The following ZNF217 variants were observed in gnomAD, a reference collection of about 807,000 sequenced individuals.
ZNF217 encodes zinc finger protein 217.
In ZNF217, 12 loss-of-function variants were observed where a neutral mutation model predicts 73.3. The ratio of observed to expected loss-of-function variants is 0.16; its 90% CI spans 0.10 to 0.27. The LOEUF (loss-of-function observed/expected upper bound fraction) is 0.27. Among genes scored for constraint, ZNF217 ranks in the 10% least tolerant of loss-of-function variants. The pLI, the probability that ZNF217 is intolerant of heterozygous loss-of-function variation, is 1.00. For missense variants in ZNF217, 1,195 were observed against 1,327.8 expected (o/e 0.90, Z 1.55); for synonymous variants, 588 against 516.4 (o/e 1.14, Z -1.88).
rs1988236822 is a variant in ZNF217 at position 53,575,875 on chromosome 20, C to A, written c.2889G>T (p.Ser963=). 2 of 1,614,086 alleles carry A rather than the reference C, an allele frequency of 1.2e-6. No homozygotes were observed. Among genetic ancestry groups the A allele is most frequent in the Non-Finnish European group, 1.7e-6 (2 of 1,180,052 alleles). Residue 963 remains serine, a synonymous_variant, in exon 4 of 6, where the codon TCG becomes TCT. Coordinates refer to ENST00000371471, the MANE Select transcript of ZNF217 (RefSeq NM_006526.3). ...SLLPQDCVYP[S]QALPPKPRFL... is the part of the protein sequence containing the mutation. ...ACCTTGGTTTGGGAGGCAGCGCCTGCGACGGATACACACAGTCCTGCGGTA... is the reference window on the plus strand; with the variant it reads ...ACCTTGGTTTGGGAGGCAGCGCCTGAGACGGATACACACAGTCCTGCGGTA...
chr20:53,595,785 A>G (rs1600736125), upstream of ZNF217, among the ~76,000 whole-genome samples: 1 of 152,354 alleles, frequency 6.6e-6, no homozygotes, highest in South Asian at 2.1e-4. Flanking sequence ...GTCACATTCT[A>G]AAACACAGTC....
intron 1 of ZNF217, among the ~76,000 whole-genome samples, chr20:53,593,028 G>A (rs755360783): frequency 1.3e-5 from 2 of 151,770 alleles, no homozygotes; most frequent in African/African-American, 2.4e-5. Context: ...AAAATTAGAG[G>A]AGGGAAAAAA....
chr20:53,575,797 G>A lies in ZNF217; in HGVS notation c.2967C>T (p.Pro989=), dbSNP rs1388427748. The A allele has an allele frequency of 3.1e-6, 5 of 1,613,484 alleles. No individual in the cohort carries two copies. The highest frequency in any genetic ancestry group is 1.1e-5 in the South Asian group (1 of 90,986). The stretch of plus-strand genomic sequence containing the variant: ...TGTAAAGTGGCCCGGAGCCACCATA[G>A]GGCTTCTGAACAGTCAGCACATTTG... ...DSPNVLTVQK[P]YGGSGPLYTC... The change falls in exon 4 of 6, where the codon CCC becomes CCT. Residue 989 remains proline, a synonymous_variant. Coordinates refer to ENST00000371471, the MANE Select transcript of ZNF217 (RefSeq NM_006526.3).
intron 1 of ZNF217, among the ~76,000 whole-genome samples, chr20:53,589,553 G>A (rs3971361): frequency 2.1e-3 from 321 of 152,318 alleles, no homozygotes; most frequent in African/African-American, 7.4e-3. Flanking sequence ...ATGTGTACAA[G>A]AATTGAGCAT....
Position 53,575,764 on chromosome 20 carries a change from C to A in ZNF217, c.3000G>T (p.Val1000=). 2 of 1,601,588 alleles carry A rather than the reference C, an allele frequency of 1.2e-6. No individual in the cohort carries two copies. The highest frequency in any genetic ancestry group is 1.7e-6 in the Non-Finnish European group (2 of 1,173,878). Reference sequence around the variant, plus strand: ...AGCTGGATGCTGGACTACCAGCAGGCACACAAGTGTAAAGTGGCCCGGAGC... The same window carrying A: ...AGCTGGATGCTGGACTACCAGCAGGAACACAAGTGTAAAGTGGCCCGGAGC... ...YGGSGPLYTC[V]PAGSPASSST... The change falls in exon 4 of 6, where the codon GTG becomes GTT. Residue 1000 remains valine, a synonymous_variant. Transcript: ENST00000371471.
Position 53,576,911 on chromosome 20 carries a change from G to A in ZNF217, c.1853C>T (p.Pro618Leu). Residue 618 changes from proline (P) to leucine (L), a missense_variant, in exon 4 of 6, where the codon CCT (proline) becomes CTT (leucine). Pro to Leu is a moderately conservative substitution (Grantham distance 98). Transcript: ENST00000371471. Reference sequence around the variant, plus strand: ...TAACAGGTCCAGGTAAGCAGGGGTAGGGTTTTTATTCACTTTATCAGCACT... The same window carrying A: ...TAACAGGTCCAGGTAAGCAGGGGTAAGGTTTTTATTCACTTTATCAGCACT... ...DDSADKVNKN[P>L]TPAYLDLLKK... is the part of the protein sequence containing the mutation. 1 of 1,614,130 alleles carries A rather than the reference G, an allele frequency of 6.2e-7. No individual in the cohort carries two copies. The highest frequency in any genetic ancestry group is 8.5e-7 in the Non-Finnish European group (1 of 1,180,024).
chr20:53,580,113 T>C (rs750640059), intron 2 of ZNF217, among the ~76,000 whole-genome samples: 6 of 152,226 alleles, frequency 3.9e-5, no homozygotes, highest in Admixed American at 2.0e-4. Flanking sequence ...ATTAGATTTG[T>C]AGTATGCTAA....
intron 1 of ZNF217, among the ~76,000 whole-genome samples, chr20:53,593,188 C>T (rs1004302363): frequency 6.6e-6 from 1 of 151,998 alleles, no homozygotes; most frequent in Non-Finnish European, 1.5e-5. Flanking sequence ...AGGCCCAGCC[C>T]CTCCCGCGGT....
intron 4 of ZNF217, 68 bp downstream of exon 4, chr20:53,575,659 G>A: frequency 7.0e-7 from 1 of 1,434,836 alleles, no homozygotes; most frequent in African/African-American, 1.4e-5. Context: ...CATCTCCACT[G>A]AGAATGCCTG....
At chr20:53,592,857 G>C (rs947193645) in intron 1 of ZNF217, among the ~76,000 whole-genome samples, 2 of 143,504 alleles carry the variant, frequency 1.4e-5, no homozygotes, top group Non-Finnish European at 3.1e-5. Context: ...AAAAAGAAAA[G>C]AAAAAAAAAA....
At chr20:53,570,851 GCT>G (rs1987966905) in intron 5 of ZNF217, among the ~76,000 whole-genome samples, 1 of 152,194 alleles carries the variant, frequency 6.6e-6, no homozygotes, top group African/African-American at 2.4e-5. Context: ...CAAAAACCAG[GCT>G]CCTGCCTCTC....
rs111715890 is a variant in ZNF217 at position 53,579,144 on chromosome 20, C to T, written c.1367-694G>A. Among the ~76,000 whole-genome samples the T allele has an allele frequency of 3.3e-3, 501 of 152,294 alleles. 1 individual carries two copies. The highest frequency in any genetic ancestry group is 4.7e-3 in the Non-Finnish European group (322 of 68,028). ...GTGTTTGGCTTTAGTTTCTGCAGGA[C>T]AATAGGACAATGTGTCTCACGTGCA... On this transcript the variant is annotated intron_variant, in intron 2 of 5. Coordinates refer to ENST00000371471, the MANE Select transcript of ZNF217 (RefSeq NM_006526.3).
At position 53,575,988 on chromosome 20, in the gene ZNF217, C is replaced by A; in HGVS notation, c.2776G>T (p.Ala926Ser). 1.9e-6 allele frequency: 3 copies of A among 1,614,214 alleles called. No individual in the cohort carries two copies. The highest frequency in any genetic ancestry group is 4.5e-5 in the East Asian group (2 of 44,888). Residue 926 changes from alanine to serine, a missense_variant, in exon 4 of 6, where the codon GCC becomes TCC. Physicochemically the swap from Ala to Ser is moderately conservative, Grantham distance 99 (BLOSUM62 1). Transcript: ENST00000371471. ...LPKRLKSSVV[A>S]LDVDQPGANY... ...GCCCCGGGCTGGTCAACGTCAAGGG[C>A]AACCACGCTGGACTTCAGTCTTTTT...
chr20:53,579,508 T>C (rs1161754070), intron 2 of ZNF217, among the ~76,000 whole-genome samples: 1 of 152,214 alleles, frequency 6.6e-6, no homozygotes, highest in African/African-American at 2.4e-5. Flanking sequence ...ATGGCCAGCT[T>C]TTTTTTCTTA....
chr20:53,580,347 A>C (rs377559878), intron 2 of ZNF217, among the ~76,000 whole-genome samples: 8 of 152,168 alleles, frequency 5.3e-5, no homozygotes, highest in African/African-American at 1.9e-4. Context: ...TGAGAGGAGG[A>C]GGCACTTGTT....
Position 53,580,571 on chromosome 20 carries a change from A to C in ZNF217, c.1366+890T>G, listed in dbSNP as rs373559309. On this transcript the variant is annotated intron_variant, in intron 2 of 5. Transcript: ENST00000371471. ...ACACAGGTGGAATCCTTTGCCCTAG[A>C]TAACGCCCACCAGGGCTCAGGAATA... Among the ~76,000 whole-genome samples, 26 of 152,350 alleles carry C rather than the reference A, an allele frequency of 1.7e-4. No individual in the cohort carries two copies. In the East Asian group the frequency reaches 4.2e-3, roughly 25 times the overall value.
chr20:53,582,399 A>G lies in ZNF217; in HGVS notation c.428T>C (p.Val143Ala). The G allele has an allele frequency of 6.2e-7, 1 of 1,614,168 alleles. No homozygotes were observed. Among genetic ancestry groups the G allele is most frequent in the Non-Finnish European group, 8.5e-7 (1 of 1,180,018 alleles). ...CGQTFRVAFD[V>A]EIHMRTHKDS... The stretch of plus-strand genomic sequence containing the variant: ...TTTGTGTGTTCTCATGTGGATCTCA[A>G]CATCAAAAGCGACTCTAAATGTCTG... Residue 143 changes from valine to alanine, a missense_variant, in exon 2 of 6, where the codon GTT becomes GCT. Around this residue, in one of 9 missense-constraint regions of ZNF217, gnomAD observed 147 missense variants for 184.3 expected, o/e 0.80. Coordinates refer to ENST00000371471, the MANE Select transcript of ZNF217 (RefSeq NM_006526.3). This position sits in a 1 kb window ranked among gnomAD's most constrained non-coding sequence, Gnocchi z 4.8.
rs747573891 is a variant in ZNF217 at position 53,581,606 on chromosome 20, C to T, written c.1221G>A (p.Ser407=). 12 of 1,614,184 alleles carry T rather than the reference C, an allele frequency of 7.4e-6. No homozygotes were observed. Among genetic ancestry groups the T allele is most frequent in the South Asian group, 1.1e-5 (1 of 91,086 alleles). The change falls in exon 2 of 6, where the codon TCG becomes TCA. Residue 407 remains serine, a synonymous_variant. Coordinates refer to ENST00000371471, the MANE Select transcript of ZNF217 (RefSeq NM_006526.3). This position sits in a 1 kb window ranked among gnomAD's most constrained non-coding sequence, Gnocchi z 4.9. ...GCCTCCCGTCCACAGACATGGTGGG[C>T]GACTCCGCGCCGGCCCTCCGGTCCT... ...HKKDRRAGAE[S]PTMSVDGRQP... is the part of the protein sequence containing the mutation.
At chr20:53,596,405 G>A (rs895635008), upstream of ZNF217, among the ~76,000 whole-genome samples, 3 of 152,138 alleles carry the variant, frequency 2.0e-5, no homozygotes, top group Non-Finnish European at 2.9e-5. Flanking sequence ...AACGAAACTG[G>A]GAAATCGTTG....
Sources: allele counts gnomAD v4.1 joint callset (sites outside exome capture counted in the v4.1 genomes callset), GRCh38; gene constraint gnomAD v4.1.1; regional missense constraint gnomAD v4.1.1; non-coding constraint Gnocchi (gnomAD v3.1); transcripts MANE v1.5; gene names NCBI Gene and HGNC (gene_info 2026-07-23, HGNC 2026-07-21).